Variants in EPS8 observed in about 807,000 individuals in gnomAD.
EPS8 encodes EGFR pathway substrate 8, signaling adaptor.
Under a neutral mutation model 103.8 loss-of-function variants are expected in EPS8, and 42 were observed. The observed-to-expected ratio is 0.40, with a 90% CI of 0.32 to 0.52. The LOEUF is 0.52. Ranked by LOEUF, EPS8 falls within the 20% of genes least tolerant of loss-of-function variation. The pLI, the probability that EPS8 is intolerant of heterozygous loss-of-function variation, is 0.40. For missense variants in EPS8, 969 were observed against 1,005.1 expected (o/e 0.96, Z 0.49); for synonymous variants, 344 against 344.6 (o/e 1.00, Z 0.02).
chr12:15,632,282 A>G (rs1025649230), intron 17 of EPS8, among the ~76,000 whole-genome samples: 4 of 152,178 alleles, frequency 2.6e-5, no homozygotes, highest in African/African-American at 9.7e-5. Flanking sequence ...TTATGATTGC[A>G]ACTTACAAAC....
In EPS8 at chr12:15,745,991, A is replaced by T. The variant is rs1037177334; in HGVS notation, c.-22+43170T>A. Among the ~76,000 whole-genome samples, 4 of 152,210 alleles carry T rather than the reference A, an allele frequency of 2.6e-5. No individual in the cohort carries two copies. Among genetic ancestry groups the T allele is most frequent in the Admixed American group, 1.3e-4 (2 of 15,282 alleles). Reference sequence around the variant, plus strand: ...ATTTTCTTTAACACACAGCTTTTACATGGGATTGCACATTCTATGAACACC... The same window carrying T: ...ATTTTCTTTAACACACAGCTTTTACTTGGGATTGCACATTCTATGAACACC... On this transcript the variant is annotated intron_variant, in intron 1 of 20. Transcript: ENST00000281172. This position sits in a 1 kb window ranked among gnomAD's most constrained non-coding sequence, Gnocchi z 4.6.
intron 1 of EPS8, among the ~76,000 whole-genome samples, chr12:15,686,334 T>C (rs570738970): frequency 6.6e-6 from 1 of 152,312 alleles, no homozygotes; most frequent in South Asian, 2.1e-4. Flanking sequence ...GCTATTAGTA[T>C]ATGTTTTAGA....
chr12:15,727,403 C>T lies in EPS8; in HGVS notation c.-21-44431G>A, dbSNP rs1384366916. 6.6e-6 allele frequency among the ~76,000 whole-genome samples: 1 copy of T among 152,152 alleles called. No homozygotes were observed. Among genetic ancestry groups the T allele is most frequent in the Non-Finnish European group, 1.5e-5 (1 of 68,012 alleles). On this transcript the variant is annotated intron_variant, in intron 1 of 20. Transcript: ENST00000281172. The surrounding 1 kb of genome is among the most constrained non-coding windows in gnomAD (Gnocchi z 4.3). ...CCAAATTCATTGTTTTACTTGTGTCCATCACTCCTCATTCTTGTGTTTTAT... is the reference window on the plus strand; with the variant it reads ...CCAAATTCATTGTTTTACTTGTGTCTATCACTCCTCATTCTTGTGTTTTAT...
In EPS8 at chr12:15,747,133, C is replaced by T. The variant is rs1946883623; in HGVS notation, c.-22+42028G>A. Among the ~76,000 whole-genome samples, 1 of 152,156 alleles carries T rather than the reference C, an allele frequency of 6.6e-6. No individual in the cohort carries two copies. Among genetic ancestry groups the T allele is most frequent in the African/African-American group, 2.4e-5 (1 of 41,416 alleles). ...GTAAAATTATCTCAATGCATAAAGCCAACCTAGTAACCCTCAATAATATAT... is the reference window on the plus strand; with the variant it reads ...GTAAAATTATCTCAATGCATAAAGCTAACCTAGTAACCCTCAATAATATAT... On this transcript the variant is annotated intron_variant, in intron 1 of 20. Transcript: ENST00000281172. This position sits in a 1 kb window ranked among gnomAD's most constrained non-coding sequence, Gnocchi z 4.4.
At position 15,757,498 on chromosome 12, in the gene EPS8, C is replaced by T. The variant is rs557216334; in HGVS notation, c.-22+31663G>A. On this transcript the variant is annotated intron_variant, in intron 1 of 20. Coordinates refer to ENST00000281172, the MANE Select transcript of EPS8 (RefSeq NM_004447.6). This position sits in a 1 kb window ranked among gnomAD's most constrained non-coding sequence, Gnocchi z 4.1. ...TACAAAAATTAGCTAGGCGTGGTGG[C>T]GCATGCCTGTAATCCCAGTTGCTCA... Among the ~76,000 whole-genome samples the T allele has an allele frequency of 3.9e-4, 60 of 151,952 alleles. No individual in the cohort carries two copies. Among genetic ancestry groups the T allele is most frequent in the Non-Finnish European group, 7.2e-4 (49 of 68,000 alleles).
rs188017053 is a variant in EPS8 at position 15,776,769 on chromosome 12, G to A, written c.-22+12392C>T. 4.2e-4 allele frequency among the ~76,000 whole-genome samples: 64 copies of A among 152,142 alleles called. 1 individual carries two copies. The highest frequency in any genetic ancestry group is 1.5e-3 in the African/African-American group (61 of 41,510). ...CTGATGGGTTCTTGAGAATTTTAGC[G>A]TTTCCCCTTTTGCTACCGCCAAACT... is the stretch of plus-strand genomic sequence containing the variant. On this transcript the variant is annotated intron_variant, in intron 1 of 20. Transcript: ENST00000281172. The surrounding 1 kb of genome is among the most constrained non-coding windows in gnomAD (Gnocchi z 4.2).
At chr12:15,657,492 A>G (rs1029604835) in intron 12 of EPS8, among the ~76,000 whole-genome samples, 12 of 152,118 alleles carry the variant, frequency 7.9e-5, no homozygotes, top group African/African-American at 2.9e-4. Flanking sequence ...GTTATTGGCT[A>G]CCCCACTATG....
rs182558195 is a variant in EPS8 at position 15,716,996 on chromosome 12, G to C, written c.-21-34024C>G. Among the ~76,000 whole-genome samples the C allele has an allele frequency of 1.1e-4, 17 of 152,230 alleles. No homozygotes were observed. The East Asian group carries it at 3.1e-3, about 28-fold the overall frequency. On this transcript the variant is annotated intron_variant, in intron 1 of 20. Transcript: ENST00000281172. This position sits in a 1 kb window ranked among gnomAD's most constrained non-coding sequence, Gnocchi z 5.0. ...AGTGAGAGTAAGAAACCCAAAAGAA[G>C]TTTCTAAAGAAATACTCTAAACTAC...
intron 13 of EPS8, among the ~76,000 whole-genome samples, chr12:15,653,614 A>G (rs1412356062): frequency 1.1e-4 from 16 of 152,200 alleles, no homozygotes; most frequent in Admixed American, 1.0e-3. Flanking sequence ...AAGGCAGTTT[A>G]GCAAACCAAT....
chr12:15,788,469 G>A (rs535678010), intron 1 of EPS8, among the ~76,000 whole-genome samples: 1 of 152,252 alleles, frequency 6.6e-6, no homozygotes, highest in East Asian at 1.9e-4. Flanking sequence ...CAAACAGGTA[G>A]TCCTAGGAAG....
At chr12:15,765,837 G>A (rs1374797635) in intron 1 of EPS8, among the ~76,000 whole-genome samples, 5 of 143,952 alleles carry the variant, frequency 3.5e-5, no homozygotes, top group East Asian at 2.0e-4. Flanking sequence ...TTTTTGAGAC[G>A]GAGTCTTGCT....
Position 15,697,229 on chromosome 12 carries a change from A to C in EPS8, c.-21-14257T>G, listed in dbSNP as rs991753160. Among the ~76,000 whole-genome samples the C allele has an allele frequency of 1.3e-5, 2 of 152,202 alleles. No individual in the cohort carries two copies. The highest frequency in any genetic ancestry group is 4.8e-5 in the African/African-American group (2 of 41,444). On this transcript the variant is annotated intron_variant, in intron 1 of 20. Coordinates refer to ENST00000281172, the MANE Select transcript of EPS8 (RefSeq NM_004447.6). This position sits in a 1 kb window ranked among gnomAD's most constrained non-coding sequence, Gnocchi z 5.6. The stretch of plus-strand genomic sequence containing the variant: ...ATTAAAATGTCTAAATAACCCCCCA[A>C]ATTAACTCCAGCTCTTGATTAAATA...
intron 1 of EPS8, among the ~76,000 whole-genome samples, chr12:15,758,171 T>C (rs1307829638): frequency 6.6e-6 from 1 of 152,202 alleles, no homozygotes; most frequent in East Asian, 1.9e-4. Context: ...CACATGCCCT[T>C]GTCCACATCC....
intron 1 of EPS8, among the ~76,000 whole-genome samples, chr12:15,711,753 T>C (rs1424235422): frequency 6.6e-6 from 1 of 152,192 alleles, no homozygotes; most frequent in Non-Finnish European, 1.5e-5. Flanking sequence ...TTTGTGTAAA[T>C]TGATAATGCT....
At chr12:15,724,436 C>T (rs1282112229) in intron 1 of EPS8, among the ~76,000 whole-genome samples, 4 of 152,094 alleles carry the variant, frequency 2.6e-5, no homozygotes, top group Non-Finnish European at 4.4e-5. Context: ...GAAAGACATA[C>T]GATATACATA....
In EPS8 at chr12:15,620,799, T is replaced by G. The variant is rs1944850891; in HGVS notation, c.*518A>C. 4 of 152,340 alleles carry G rather than the reference T, an allele frequency of 2.6e-5. No individual in the cohort carries two copies. Among genetic ancestry groups the G allele is most frequent in the African/African-American group, 2.4e-5 (1 of 41,470 alleles). 9.4% of individuals were successfully genotyped at this position (152,340 alleles called of 1,614,324 possible). A position where few individuals can be genotyped will look rare whatever the true frequency, so the allele number is the denominator to read the frequency against. On this transcript the variant is annotated 3_prime_UTR_variant, in exon 21 of 21. Coordinates refer to ENST00000281172, the MANE Select transcript of EPS8 (RefSeq NM_004447.6). ...CAGTTCATTCAAATGTTTTAATTTT[T>G]TTTTAAACTGTTGGCATTAAGAACT...
intron 3 of EPS8, 49 bp downstream of exon 3, chr12:15,681,176 TA>T: frequency 1.0e-6 from 1 of 960,210 alleles, no homozygotes; most frequent in Non-Finnish European, 1.6e-6. Context: ...ATGTAATTTG[TA>T]AAAAGTGGTT....
intron 9 of EPS8, among the ~76,000 whole-genome samples, chr12:15,661,757 T>C (rs560326951): frequency 6.6e-6 from 1 of 152,342 alleles, no homozygotes; most frequent in East Asian, 1.9e-4. Flanking sequence ...TGAAATCTAA[T>C]AATTCAGCCT....
rs1364020504 is a variant in EPS8 at position 15,660,711 on chromosome 12, A to T, written c.840T>A (p.Ile280=). The T allele has an allele frequency of 1.2e-6, 2 of 1,608,586 alleles. No individual in the cohort carries two copies. The highest frequency in any genetic ancestry group is 1.7e-6 in the Non-Finnish European group (2 of 1,175,712). ...VQILNHILDD[I]EFFITKLQKA... ...TTTGGAGTTTTGTGATAAAAAATTC[A>T]ATGTCATCCAAAATGTGGTTTAAGA... Residue 280 remains isoleucine, a synonymous_variant, in exon 10 of 21, where the codon ATT becomes ATA. Transcript: ENST00000281172.
Sources: gnomAD v4.1 joint callset for allele counts (sites outside exome capture counted in the v4.1 genomes callset) on GRCh38, gnomAD v4.1.1 for gene constraint, Gnocchi (gnomAD v3.1) non-coding constraint, MANE v1.5 for transcripts, NCBI Gene and HGNC (gene_info 2026-07-23, HGNC 2026-07-21) for gene names.